ADAMTS14: variants seen among roughly 807,000 people sequenced by gnomAD.
The protein encoded by ADAMTS14 is ADAM metallopeptidase with thrombospondin type 1 motif 14.
A neutral mutation model predicts 128.6 loss-of-function variants in ADAMTS14; 100 were observed. The observed-to-expected ratio is 0.78, with a 90% CI of 0.66 to 0.92. The LOEUF (loss-of-function observed/expected upper bound fraction) is 0.92, where lower values mean the gene tolerates loss of function less well. Among genes scored for constraint, ADAMTS14 ranks in the 40% least tolerant of loss-of-function variants. ADAMTS14 has a pLI of 0.00. For synonymous variants in ADAMTS14, 665 were observed against 653.8 expected (o/e 1.02, Z -0.26); for missense variants, 1,562 against 1,658.6 (o/e 0.94, Z 1.01).
intron 2 of ADAMTS14, among the ~76,000 whole-genome samples, chr10:70,681,411 T>C (rs544049347): frequency 9.4e-4 from 143 of 152,240 alleles, no homozygotes; most frequent in Admixed American, 4.2e-3. Context: ...TCATTTCAGC[T>C]CTCCGTGGGA....
intron 2 of ADAMTS14, among the ~76,000 whole-genome samples, chr10:70,697,108 T>A (rs1840352080): frequency 6.6e-6 from 1 of 152,188 alleles, no homozygotes; most frequent in African/African-American, 2.4e-5. Context: ...TGCACTCTCC[T>A]TGGGAGGTGA....
intron 2 of ADAMTS14, 71 bp from the exon 3 acceptor site, chr10:70,702,241 G>T: frequency 6.3e-7 from 1 of 1,599,714 alleles, no homozygotes; most frequent in South Asian, 1.1e-5. Context: ...ACAGATGCTC[G>T]CCTGTCGGCT....
At chr10:70,727,715 C>T (rs1841488184) in intron 4 of ADAMTS14, among the ~76,000 whole-genome samples, 1 of 152,116 alleles carries the variant, frequency 6.6e-6, no homozygotes, top group Non-Finnish European at 1.5e-5. Context: ...CATCCCTGAC[C>T]ACACTGCTGG....
intron 2 of ADAMTS14, among the ~76,000 whole-genome samples, chr10:70,697,557 G>A (rs1840365995): frequency 6.6e-6 from 1 of 152,216 alleles, no homozygotes; most frequent in African/African-American, 2.4e-5. Context: ...GTACTTTAAT[G>A]TACACATGCA....
intron 2 of ADAMTS14, among the ~76,000 whole-genome samples, chr10:70,692,705 TC>T (rs1274302078): frequency 2.0e-5 from 3 of 152,244 alleles, no homozygotes; most frequent in Non-Finnish European, 4.4e-5. Flanking sequence ...TAAAGACAAG[TC>T]CCTAACAGCT....
rs776003530 is a variant in ADAMTS14, at chr10:70,758,028, C to T, written c.3004C>T (p.Leu1002Phe). ...QVVCRTNANS[L>F]GHCEGDRPDT... ...GGTGTGCAGGACCAACGCCAACAGCCTCGGGCATTGCGAGGGGGATAGGCC... is the reference window on the plus strand; with the variant it reads ...GGTGTGCAGGACCAACGCCAACAGCTTCGGGCATTGCGAGGGGGATAGGCC... Residue 1002 changes from leucine (L) to phenylalanine (F), a missense_variant, in exon 20 of 22, where the codon CTC (leucine) becomes TTC (phenylalanine). Transcript: ENST00000373207. 1.7e-5 allele frequency: 27 copies of T among 1,613,600 alleles called. No individual in the cohort carries two copies. In the Admixed American group the frequency reaches 4.5e-4, roughly 27 times the overall value.
intron 19 of ADAMTS14, among the ~76,000 whole-genome samples, chr10:70,756,696 G>A (rs1169649880): frequency 6.6e-6 from 1 of 152,216 alleles, no homozygotes; most frequent in East Asian, 1.9e-4. Flanking sequence ...TGGTGCTATG[G>A]AAAACTAGCC....
chr10:70,694,659 C>T, intron 2 of ADAMTS14, among the ~76,000 whole-genome samples: 1 of 152,122 alleles, frequency 6.6e-6, no homozygotes, highest in East Asian at 1.9e-4. Context: ...CATCTGGCTT[C>T]TTTCACTTGG....
intron 15 of ADAMTS14, among the ~76,000 whole-genome samples, chr10:70,747,282 G>A (rs1842207301): frequency 6.6e-6 from 1 of 152,124 alleles, no homozygotes; most frequent in African/African-American, 2.4e-5. Context: ...TGGATTGGGG[G>A]CCTCTGTATG....
In ADAMTS14 at chr10:70,674,817, A is replaced by T. The variant is rs556871391; in HGVS notation, c.344A>T (p.Lys115Met). The change falls in exon 2 of 22, where the codon AAG becomes ATG. Residue 115 changes from lysine (K) to methionine (M), a missense_variant. Lys to Met is a moderately conservative substitution (Grantham distance 95). Transcript: ENST00000373207. ...SLYFNVTVFG[K>M]ELHLRLRPNR... ...TACTTCAATGTCACTGTTTTCGGGAAGGAACTGCACTTGCGCCTGCGGCCC... is the reference window on the plus strand; with the variant it reads ...TACTTCAATGTCACTGTTTTCGGGATGGAACTGCACTTGCGCCTGCGGCCC... 9.9e-6 allele frequency: 16 copies of T among 1,613,798 alleles called. No individual in the cohort carries two copies. The highest frequency in any genetic ancestry group is 1.7e-5 in the Admixed American group (1 of 60,010).
chr10:70,709,424 G>GTTT, intron 4 of ADAMTS14, among the ~76,000 whole-genome samples: 1 of 147,248 alleles, frequency 6.8e-6, no homozygotes, highest in South Asian at 2.2e-4. Context: ...CAGAAATGTA[G>GTTT]TTTTTTTTTA....
At chr10:70,754,449 G>A (rs1033889571) in intron 19 of ADAMTS14, among the ~76,000 whole-genome samples, 6 of 152,220 alleles carry the variant, frequency 3.9e-5, no homozygotes. Context: ...CTGACAGACT[G>A]CAGTCGGAGC....
chr10:70,760,798 G>C lies in ADAMTS14; in HGVS notation c.3617G>C (p.Gly1206Ala), dbSNP rs758420181. ...TPVPEDKGQPGEDLRHPGTSL... is the reference protein window; with the variant it reads ...TPVPEDKGQPAEDLRHPGTSL... Reference sequence around the variant, plus strand: ...GTCCCTGAGGACAAAGGGCAACCTGGAGAAGACCTGAGACATCCCGGCACC... The same window carrying C: ...GTCCCTGAGGACAAAGGGCAACCTGCAGAAGACCTGAGACATCCCGGCACC... Residue 1206 changes from glycine (G) to alanine (A), a missense_variant, in exon 22 of 22, where the codon GGA (glycine) becomes GCA (alanine). Transcript: ENST00000373207. 5 of 1,602,826 alleles carry C rather than the reference G, an allele frequency of 3.1e-6. No individual in the cohort carries two copies. Among genetic ancestry groups the C allele is most frequent in the African/African-American group, 1.3e-5 (1 of 74,652 alleles).
intron 4 of ADAMTS14, among the ~76,000 whole-genome samples, chr10:70,727,557 ACCGCG>A (rs1267519497): frequency 1.2e-5 from 1 of 85,130 alleles, no homozygotes; most frequent in African/African-American, 4.1e-5. Context: ...CACATCCCTG[ACCGCG>A]CTGGTGGCAT....
chr10:70,709,433 T>A (rs569509245), intron 4 of ADAMTS14, among the ~76,000 whole-genome samples: 5 of 148,834 alleles, frequency 3.4e-5, no homozygotes, highest in Admixed American at 6.7e-5. Context: ...AGTTTTTTTT[T>A]AAGTGTTTAA....
At position 70,724,529 on chromosome 10, in the gene ADAMTS14, C is replaced by A. The variant is rs148963072; in HGVS notation, c.871-4765C>A. ...CAGGCTGGAGTCTGTCAGCGAGCTACCTGTGCATGTTCCAGAGCAGCTGAG... is the reference window on the plus strand; with the variant it reads ...CAGGCTGGAGTCTGTCAGCGAGCTAACTGTGCATGTTCCAGAGCAGCTGAG... On this transcript the variant is annotated intron_variant, in intron 4 of 21. Coordinates refer to ENST00000373207, the MANE Select transcript of ADAMTS14 (RefSeq NM_080722.4). 3.2e-3 allele frequency among the ~76,000 whole-genome samples: 486 copies of A among 152,340 alleles called. 13 individuals carry two copies. Among genetic ancestry groups the A allele is most frequent in the South Asian group, 1.9e-3 (9 of 4,826 alleles).
chr10:70,691,139 C>T (rs568215716), intron 2 of ADAMTS14, among the ~76,000 whole-genome samples: 1 of 144,924 alleles, frequency 6.9e-6, no homozygotes, highest in East Asian at 1.9e-4. Context: ...TGGGCCAGGA[C>T]ATCTGCCTGT....
At chr10:70,693,835 C>T (rs548767854) in intron 2 of ADAMTS14, among the ~76,000 whole-genome samples, 1 of 152,348 alleles carries the variant, frequency 6.6e-6, no homozygotes, top group East Asian at 1.9e-4. Flanking sequence ...ATAACTCTCT[C>T]CAGCTGGCAG....
intron 4 of ADAMTS14, among the ~76,000 whole-genome samples, chr10:70,719,367 TAC>T (rs61607600): frequency 0.2 from 28,568 of 141,618 alleles, 2,849 homozygotes; most frequent in East Asian, 0.4. Flanking sequence ...ACTCCACAAA[TAC>T]ACACACACAC....
Sources: allele counts gnomAD v4.1 joint callset (sites outside exome capture counted in the v4.1 genomes callset), GRCh38; gene constraint gnomAD v4.1.1; transcripts MANE v1.5; gene names NCBI Gene and HGNC (gene_info 2026-07-23, HGNC 2026-07-21).